Variants in CYP4F11 observed in about 807,000 individuals in gnomAD.
The protein encoded by CYP4F11 is cytochrome P450 4F11.
A neutral mutation model predicts 62.2 loss-of-function variants in CYP4F11; 79 were observed. The observed-to-expected ratio is 1.27, with a 90% CI of 1.06 to 1.53. CYP4F11 has a LOEUF of 1.53. Among genes scored for constraint, CYP4F11 ranks in the 40% most tolerant of loss-of-function variants. The pLI is 0.00. For synonymous variants in CYP4F11, 290 were observed against 263.7 expected (o/e 1.10, Z -0.97); for missense variants, 777 against 680.5 (o/e 1.14, Z -1.58).
intron 1 of CYP4F11, among the ~76,000 whole-genome samples, chr19:15,931,581 CGAGGAGAGGAATGAGTGAGT>C (rs1568257406): frequency 2.5e-3 from 140 of 55,808 alleles, no homozygotes; most frequent in Middle Eastern, 0.011. Flanking sequence ...AATGAGTGAG[CGAGGAGAGGAATGAGTGAGT>C]GAGGAGAGGA....
chr19:15,934,409 C>T lies in CYP4F11; in HGVS notation c.-1G>A. 6.2e-7 allele frequency: 1 copy of T among 1,612,800 alleles called. No individual in the cohort carries two copies. The highest frequency in any genetic ancestry group is 8.5e-7 in the Non-Finnish European group (1 of 1,179,492). On this transcript the variant is annotated 5_prime_UTR_variant, in exon 1 of 12. Transcript: ENST00000402119. ...GCCAGGACAGGCTCAGCTGCGGCAT[C>T]CTGCAGGGCAGACGGGATGGAGGGT...
chr19:15,931,375 A>C (rs2089714628), intron 1 of CYP4F11, among the ~76,000 whole-genome samples: 1 of 151,862 alleles, frequency 6.6e-6, no homozygotes, highest in African/African-American at 2.4e-5. Context: ...GAGAAGGTGC[A>C]AATGCCAGGA....
At chr19:15,918,698 T>C (rs764397779) in intron 8 of CYP4F11, among the ~76,000 whole-genome samples, 17 of 152,108 alleles carry the variant, frequency 1.1e-4, no homozygotes, top group Non-Finnish European at 2.5e-4. Context: ...TATACATTGA[T>C]GGAAAGAGGT....
At chr19:15,931,005 C>T (rs994747006) in intron 1 of CYP4F11, among the ~76,000 whole-genome samples, 2 of 152,186 alleles carry the variant, frequency 1.3e-5, no homozygotes, top group African/African-American at 4.8e-5. Flanking sequence ...GTGAGCAGAC[C>T]AAGGCCATGT....
rs1424218897 is a variant in CYP4F11, at chr19:15,923,900, G to A, written c.830C>T (p.Thr277Ile). 1 of 1,614,064 alleles carries A rather than the reference G, an allele frequency of 6.2e-7. No homozygotes were observed. The highest frequency in any genetic ancestry group is 1.3e-5 in the African/African-American group (1 of 74,928). Residue 277 changes from threonine (T) to isoleucine (I), a missense_variant, in exon 6 of 12, where the codon ACC (threonine) becomes ATC (isoleucine). Physicochemically the swap from Thr to Ile is moderately conservative, Grantham distance 89. Coordinates refer to ENST00000402119, the MANE Select transcript of CYP4F11 (RefSeq NM_021187.4). ...ATCATCAATACCCTGAGTGGGGAGG[G>A]TGCAGCGCCGCTCCTGGATGACGGC... ...TDAVIQERRC[T>I]LPTQGIDDFL...
In CYP4F11 at chr19:15,914,861, A is replaced by C. The variant is rs1203169973; in HGVS notation, c.1150T>G (p.Cys384Gly). ...TGCAACCGCAGGCTCTCCTTAATGC[A>C]CATGGTCAGGAAGGGCAGCTGGGCC... ...DLAQLPFLTM[C>G]IKESLRLHPP... is the part of the protein sequence containing the mutation. Residue 384 changes from cysteine to glycine, a missense_variant, in exon 9 of 12, where the codon TGC becomes GGC. By Grantham distance (159) the Cys-to-Gly change is radical (BLOSUM62 -3). Coordinates refer to ENST00000402119, the MANE Select transcript of CYP4F11 (RefSeq NM_021187.4). 6.2e-7 allele frequency: 1 copy of C among 1,614,178 alleles called. No homozygotes were observed.
intron 1 of CYP4F11, 68 bp downstream of exon 1, chr19:15,934,143 C>A: frequency 6.5e-7 from 1 of 1,549,152 alleles, no homozygotes; most frequent in South Asian, 1.1e-5. Context: ...GCTCCCTGAG[C>A]CCCATTCCTG....
At chr19:15,914,031 A>G in intron 11 of CYP4F11, 122 bp from the exon 12 acceptor site, 1 of 1,279,396 alleles carries the variant, frequency 7.8e-7, no homozygotes, top group East Asian at 2.5e-5. Flanking sequence ...GAAAGAGGGG[A>G]TAAGTGTCCA....
In CYP4F11 at chr19:15,912,482, G is replaced by C. The variant is rs1423280847; in HGVS notation, c.*1250C>G. 5 of 151,872 alleles carry C rather than the reference G, an allele frequency of 3.3e-5. No homozygotes were observed. Among genetic ancestry groups the C allele is most frequent in the Non-Finnish European group, 7.4e-5 (5 of 68,010 alleles). 9.4% of individuals were successfully genotyped at this position (151,872 alleles called of 1,614,324 possible). A position where few individuals can be genotyped will look rare whatever the true frequency, so the allele number is the denominator to read the frequency against. ...TCAGAATCAAGGCCAGAGTAACCGAGTGTAGCAAGGGAAGGAGATCAGCTA... is the reference window on the plus strand; with the variant it reads ...TCAGAATCAAGGCCAGAGTAACCGACTGTAGCAAGGGAAGGAGATCAGCTA... On this transcript the variant is annotated 3_prime_UTR_variant, in exon 12 of 12. Coordinates refer to ENST00000402119, the MANE Select transcript of CYP4F11 (RefSeq NM_021187.4).
rs1436794681 is a variant in CYP4F11, at chr19:15,912,757, G to GTATATATA, written c.*974_*975insTATATATA. The GTATATATA allele has an allele frequency of 1.2e-4, 5 of 42,014 alleles. No homozygotes were observed. The highest frequency in any genetic ancestry group is 4.8e-4 in the African/African-American group (4 of 8,352). 2.6% of individuals were successfully genotyped at this position (42,014 alleles called of 1,614,324 possible). ...TGTATATGTATATATGTGTGTGTGT[G>GTATATATA]TGTGTGTGTGTGTGTATATATATAT... On this transcript the variant is annotated 3_prime_UTR_variant, in exon 12 of 12. Transcript: ENST00000402119.
In CYP4F11 at chr19:15,929,615, A is replaced by C. The variant is rs535170626; in HGVS notation, c.199-14T>G. On this transcript the variant is annotated splice_polypyrimidine_tract_variant and intron_variant, in intron 1 of 11. Transcript: ENST00000402119. The stretch of plus-strand genomic sequence containing the variant: ...CGTGGGAGTGACCTGAAAACAAGGC[A>C]GAGGCCGTCAGCCCTTGTGATGGTT... 40 of 1,576,132 alleles carry C rather than the reference A, an allele frequency of 2.5e-5. No homozygotes were observed. Among genetic ancestry groups the C allele is most frequent in the Non-Finnish European group, 3.4e-5 (39 of 1,159,932 alleles).
intron 1 of CYP4F11, among the ~76,000 whole-genome samples, chr19:15,930,221 T>G (rs554916196): frequency 6.6e-6 from 1 of 152,140 alleles, no homozygotes; most frequent in Non-Finnish European, 1.5e-5. Flanking sequence ...GCCCTGAGCA[T>G]CGTGTCTGGA....
intron 8 of CYP4F11, among the ~76,000 whole-genome samples, chr19:15,918,315 G>A (rs139447055): frequency 1.3e-4 from 20 of 152,174 alleles, no homozygotes; most frequent in Admixed American, 7.2e-4. Context: ...TGAGAGCATC[G>A]GGAAGAATAG....
At chr19:15,914,543 C>G in intron 10 of CYP4F11, 59 bp downstream of exon 10, 3 of 1,602,852 alleles carry the variant, frequency 1.9e-6, no homozygotes, top group Middle Eastern at 3.3e-4. Flanking sequence ...AAAACCCTGT[C>G]ACCTCCTCTA....
rs765401797 is a variant in CYP4F11 at position 15,927,303 on chromosome 19, C to T, written c.434G>A (p.Ser145Asn). The T allele has an allele frequency of 2.4e-5, 38 of 1,614,064 alleles. No individual in the cohort carries two copies. The South Asian group carries it at 3.7e-4, about 16-fold the overall frequency. Residue 145 changes from serine to asparagine, a missense_variant, in exon 4 of 12, where the codon AGC becomes AAC. Transcript: ENST00000402119. Reference sequence around the variant, plus strand: ...AGGCGTCAACATCCGACGGTGGCGGCTCCACTTGTCACCACCACTCAGCAG... The same window carrying T: ...AGGCGTCAACATCCGACGGTGGCGGTTCCACTTGTCACCACCACTCAGCAG... ...GLLLSGGDKW[S>N]RHRRMLTPAF... is the part of the protein sequence containing the mutation.
chr19:15,927,880 C>T (rs948859691), intron 2 of CYP4F11: 1 of 199,682 alleles, frequency 5.0e-6, no homozygotes, highest in African/African-American at 2.3e-5. Context: ...GTTAACATTC[C>T]CTGACATGGC....
rs2089734101 is a variant in CYP4F11 at position 15,932,343 on chromosome 19, AG to A, written c.198+1867del. On this transcript the variant is annotated intron_variant, in intron 1 of 11. Coordinates refer to ENST00000402119, the MANE Select transcript of CYP4F11 (RefSeq NM_021187.4). ...GAGCGAGGAGAGGAATGAGTGAGCG[AG>A]GAGAGGAATGAGTGAGCGGGGAGAG... Among the ~76,000 whole-genome samples the A allele has an allele frequency of 2.4e-4, 2 of 8,432 alleles. 1 individual carries two copies. The highest frequency in any genetic ancestry group is 1.3e-3 in the African/African-American group (2 of 1,580). 5.5% of individuals were successfully genotyped at this position (8,432 alleles called of 152,430 possible). A position where few individuals can be genotyped will look rare whatever the true frequency, so the allele number is the denominator to read the frequency against.
Position 15,914,752 on chromosome 19 carries a change from C to T in CYP4F11, c.1249+10G>A, listed in dbSNP as rs961358132. The T allele has an allele frequency of 6.2e-7, 1 of 1,614,066 alleles. No homozygotes were observed. The highest frequency in any genetic ancestry group is 8.5e-7 in the Non-Finnish European group (1 of 1,179,908). ...ACCCAGGAGGCTCCTCCCCCTGAGG[C>T]TGTGAGCACCTTTGGGGATGACGCG... On this transcript the variant is annotated intron_variant, in intron 9 of 11. Transcript: ENST00000402119.
rs763880170 is a variant in CYP4F11, at chr19:15,913,722, G to T, written c.*10C>A. Reference sequence around the variant, plus strand: ...GGGACTCTACAGAGGTGGGTGGGTGGGTAGGACAGTCACTGTGAGTTCGCA... The same window carrying T: ...GGGACTCTACAGAGGTGGGTGGGTGTGTAGGACAGTCACTGTGAGTTCGCA... On this transcript the variant is annotated 3_prime_UTR_variant, in exon 12 of 12. Coordinates refer to ENST00000402119, the MANE Select transcript of CYP4F11 (RefSeq NM_021187.4). The T allele has an allele frequency of 3.7e-6, 6 of 1,613,782 alleles. No homozygotes were observed. The highest frequency in any genetic ancestry group is 1.6e-4 in the Middle Eastern group (1 of 6,084).
Sources: gnomAD v4.1 joint callset for allele counts (sites outside exome capture counted in the v4.1 genomes callset) on GRCh38, gnomAD v4.1.1 for gene constraint, MANE v1.5 for transcripts, NCBI Gene and HGNC (gene_info 2026-07-23, HGNC 2026-07-21) for gene names.